Variants in SLC35F1 observed in about 807,000 individuals in gnomAD.
SLC35F1 encodes the protein solute carrier family 35 member F1.
A neutral mutation model predicts 48.7 loss-of-function variants in SLC35F1; 14 were observed. That is an observed-to-expected ratio of 0.29 (90% CI 0.19 to 0.45). The LOEUF (loss-of-function observed/expected upper bound fraction) is 0.45, where lower values mean the gene tolerates loss of function less well. Ranked by LOEUF, SLC35F1 falls within the 20% of genes least tolerant of loss-of-function variation. The probability of loss-of-function intolerance (pLI) is 1.00; values close to 1 mark genes in which losing one functional copy is unlikely to be tolerated. For synonymous variants in SLC35F1, 190 were observed against 202.2 expected (o/e 0.94, Z 0.51); for missense variants, 404 against 500.0 (o/e 0.81, Z 1.83).
At chr6:118,061,710 G>A (rs1290190988) in intron 1 of SLC35F1, among the ~76,000 whole-genome samples, 2 of 152,026 alleles carry the variant, frequency 1.3e-5, no homozygotes, top group Non-Finnish European at 2.9e-5. Context: ...CCAGGGACTG[G>A]TTTTATGGAA....
At chr6:118,028,064 T>C (rs1771984207) in intron 1 of SLC35F1, among the ~76,000 whole-genome samples, 1 of 152,144 alleles carries the variant, frequency 6.6e-6, no homozygotes, top group Non-Finnish European at 1.5e-5. Context: ...AGTTATGGGT[T>C]TATTTTAAAA....
At chr6:118,043,906 A>G (rs1201407985) in intron 1 of SLC35F1, among the ~76,000 whole-genome samples, 1 of 152,210 alleles carries the variant, frequency 6.6e-6, no homozygotes, top group Non-Finnish European at 1.5e-5. Context: ...TTTTAGAGGA[A>G]TCTGATTTTC....
Position 117,915,209 on chromosome 6 carries a change from G to A in SLC35F1, c.173+7310G>A, listed in dbSNP as rs534313323. Among the ~76,000 whole-genome samples the A allele has an allele frequency of 3.3e-5, 5 of 152,286 alleles. No homozygotes were observed. The South Asian group carries it at 1.0e-3, about 32-fold the overall frequency. On this transcript the variant is annotated intron_variant, in intron 1 of 7. Transcript: ENST00000360388. ...ACAACCTAACGAGAGTGTTTGAGAT[G>A]TTTGAGTTAAAATTAGCATTTAGAC...
chr6:118,083,348 T>C (rs1772940253), intron 1 of SLC35F1, among the ~76,000 whole-genome samples: 1 of 152,208 alleles, frequency 6.6e-6, no homozygotes. Context: ...AGTGGTAAAG[T>C]AATAAGGATT....
chr6:118,178,856 C>T (rs1049631712), intron 2 of SLC35F1, among the ~76,000 whole-genome samples: 2 of 152,134 alleles, frequency 1.3e-5, no homozygotes, highest in African/African-American at 4.8e-5. Flanking sequence ...CAAAACTAAA[C>T]TTAGATAATA....
chr6:117,929,008 C>A (rs938401795), intron 1 of SLC35F1, among the ~76,000 whole-genome samples: 1 of 152,028 alleles, frequency 6.6e-6, no homozygotes, highest in Non-Finnish European at 1.5e-5. Context: ...AATCATCAGG[C>A]CTTCCAGATA....
At chr6:117,984,202 C>T (rs912685801) in intron 1 of SLC35F1, among the ~76,000 whole-genome samples, 1 of 152,052 alleles carries the variant, frequency 6.6e-6, no homozygotes, top group African/African-American at 2.4e-5. Context: ...GACTCACTGC[C>T]TGTTTTTATA....
At chr6:118,218,908 A>G (rs533299923) in intron 2 of SLC35F1, among the ~76,000 whole-genome samples, 2 of 152,304 alleles carry the variant, frequency 1.3e-5, no homozygotes, top group Admixed American at 1.3e-4. Context: ...TTTAATTTCT[A>G]TCTGTGGGTA....
intron 1 of SLC35F1, among the ~76,000 whole-genome samples, chr6:117,908,872 C>G (rs1775729539): frequency 6.6e-6 from 1 of 152,172 alleles, no homozygotes; most frequent in South Asian, 2.1e-4. Context: ...TCGCTCTGTT[C>G]ATACAGGTTT....
chr6:118,004,484 C>T (rs952792328), intron 1 of SLC35F1, among the ~76,000 whole-genome samples: 1 of 152,326 alleles, frequency 6.6e-6, no homozygotes, highest in African/African-American at 2.4e-5. Flanking sequence ...TCTAATCCTA[C>T]TAGATTCTGT....
At chr6:118,167,453 T>C (rs77446882) in intron 2 of SLC35F1, among the ~76,000 whole-genome samples, 7,652 of 152,258 alleles carry the variant, frequency 0.05, 315 homozygotes, top group African/African-American at 0.11. Context: ...GTAAAGCCTA[T>C]TGCTCCTGGG....
At chr6:118,183,199 A>G (rs1436065314) in intron 2 of SLC35F1, among the ~76,000 whole-genome samples, 1 of 152,194 alleles carries the variant, frequency 6.6e-6, no homozygotes, top group Non-Finnish European at 1.5e-5. Context: ...TGAAACCCAT[A>G]ACAGTTAGCA....
At chr6:118,306,340 T>C (rs283046) in intron 7 of SLC35F1, among the ~76,000 whole-genome samples, 89,415 of 151,812 alleles carry the variant, frequency 0.59, 26,933 homozygotes, top group African/African-American at 0.69. Flanking sequence ...AATGATGACA[T>C]TTCCATTTCC....
At chr6:117,959,074 G>A (rs1043925696) in intron 1 of SLC35F1, among the ~76,000 whole-genome samples, 7 of 152,074 alleles carry the variant, frequency 4.6e-5, no homozygotes, top group African/African-American at 1.7e-4. Flanking sequence ...CAGGATCCTG[G>A]GTGAATCACT....
intron 2 of SLC35F1, among the ~76,000 whole-genome samples, chr6:118,174,926 T>A (rs1774464715): frequency 1.3e-5 from 2 of 151,658 alleles, no homozygotes; most frequent in Admixed American, 6.6e-5. Flanking sequence ...CATATAAGTC[T>A]GTAAACCATA....
In SLC35F1 at chr6:118,268,980, G is replaced by A. The variant is rs1461606520; in HGVS notation, c.637+1826G>A. On this transcript the variant is annotated intron_variant, in intron 4 of 7. Transcript: ENST00000360388. ...GTAAACACAGGCTAAGCAGAAGCAA[G>A]TACCCTTAGTTATAAAAACTCTATC... Among the ~76,000 whole-genome samples the A allele has an allele frequency of 3.3e-5, 5 of 152,200 alleles. No individual in the cohort carries two copies. The East Asian group carries it at 9.6e-4, about 29-fold the overall frequency.
chr6:117,918,640 G>A (rs1048468940), intron 1 of SLC35F1, among the ~76,000 whole-genome samples: 3 of 152,138 alleles, frequency 2.0e-5, no homozygotes, highest in Non-Finnish European at 2.9e-5. Flanking sequence ...TACTAAAGAA[G>A]TGTTATGTGT....
chr6:118,194,438 A>G (rs1774773290), intron 2 of SLC35F1, among the ~76,000 whole-genome samples: 1 of 152,172 alleles, frequency 6.6e-6, no homozygotes, highest in Admixed American at 6.5e-5. Flanking sequence ...GCTCCCAAGG[A>G]CATAAAACAA....
rs548633026 is a variant in SLC35F1, at chr6:118,102,809, G to A, written c.174-51636G>A. 1.6e-3 allele frequency among the ~76,000 whole-genome samples: 237 copies of A among 152,314 alleles called. 1 individual carries two copies. The highest frequency in any genetic ancestry group is 0.01 in the Middle Eastern group (3 of 294). The stretch of plus-strand genomic sequence containing the variant: ...GAGGCTGTCTCCTTGAGAGGCAAGG[G>A]TCTCAATCCTGAAGGAAAGCTGTAA... On this transcript the variant is annotated intron_variant, in intron 1 of 7. Coordinates refer to ENST00000360388, the MANE Select transcript of SLC35F1 (RefSeq NM_001029858.4).
Sources: allele counts gnomAD v4.1 joint callset (sites outside exome capture counted in the v4.1 genomes callset), GRCh38; gene constraint gnomAD v4.1.1; transcripts MANE v1.5; gene names NCBI Gene and HGNC (gene_info 2026-07-23, HGNC 2026-07-21).